Variants in ADCY2 observed in about 807,000 individuals in gnomAD.
The protein encoded by ADCY2 is adenylate cyclase 2.
Under a neutral mutation model 125.2 loss-of-function variants are expected in ADCY2, and 31 were observed. That is an observed-to-expected ratio of 0.25 (90% CI 0.19 to 0.33). The LOEUF (loss-of-function observed/expected upper bound fraction) is 0.33. ADCY2 is among the 10% of genes least tolerant of loss of function. The pLI, the probability that ADCY2 is intolerant of heterozygous loss-of-function variation, is 1.00. For missense variants in ADCY2, 904 were observed against 1,418.2 expected (o/e 0.64, Z 5.82); for synonymous variants, 512 against 548.4 (o/e 0.93, Z 0.93).
intron 11 of ADCY2, among the ~76,000 whole-genome samples, chr5:7,715,069 G>T (rs1741555641): frequency 6.6e-6 from 1 of 152,186 alleles, no homozygotes; most frequent in African/African-American, 2.4e-5. Flanking sequence ...GAGAGTCCTG[G>T]AGGCAAATGA....
intron 4 of ADCY2, among the ~76,000 whole-genome samples, chr5:7,657,131 A>T (rs192839836): frequency 2.0e-5 from 3 of 152,358 alleles, no homozygotes; most frequent in East Asian, 1.9e-4. Context: ...TCATTTGTAT[A>T]TGCAAATATT....
intron 2 of ADCY2, among the ~76,000 whole-genome samples, chr5:7,491,245 A>G (rs1466145665): frequency 1.3e-5 from 2 of 152,054 alleles, no homozygotes; most frequent in Admixed American, 1.3e-4. Context: ...AAAATGATCT[A>G]ATTAAAAATG....
chr5:7,558,464 G>T (rs2126584510), intron 3 of ADCY2, among the ~76,000 whole-genome samples: 1 of 152,198 alleles, frequency 6.6e-6, no homozygotes, highest in African/African-American at 2.4e-5. Flanking sequence ...TTATATGATT[G>T]TTGGCTGCAT....
At chr5:7,460,874 G>T (rs933585971) in intron 2 of ADCY2, among the ~76,000 whole-genome samples, 1 of 152,190 alleles carries the variant, frequency 6.6e-6, no homozygotes, top group Non-Finnish European at 1.5e-5. Flanking sequence ...GACATTATAA[G>T]TTCTTTCTTT....
chr5:7,797,833 A>T (rs1744474452), intron 20 of ADCY2: 1 of 23,624 alleles, frequency 4.2e-5, no homozygotes, highest in African/African-American at 5.1e-5. Context: ...CCTCACTTCC[A>T]GCCTGTGAAC....
intron 4 of ADCY2, among the ~76,000 whole-genome samples, chr5:7,679,817 C>T (rs901804378): frequency 2.7e-4 from 41 of 152,192 alleles, no homozygotes; most frequent in African/African-American, 9.4e-4. Context: ...AATGGATTGT[C>T]TCCCAGTACT....
intron 4 of ADCY2, 29 bp from the exon 5 acceptor site, chr5:7,690,662 A>G (rs1435824430): frequency 3.3e-6 from 5 of 1,514,744 alleles, no homozygotes; most frequent in African/African-American, 1.4e-5. Context: ...TCTGAGAGAC[A>G]TTTGTTCCTC....
chr5:7,609,136 T>G (rs1309404478), intron 3 of ADCY2, among the ~76,000 whole-genome samples: 1 of 152,224 alleles, frequency 6.6e-6, no homozygotes, highest in African/African-American at 2.4e-5. Context: ...ATAAGATAAG[T>G]TCAGGTCCAA....
chr5:7,474,116 C>A (rs996484581), intron 2 of ADCY2, among the ~76,000 whole-genome samples: 2 of 152,198 alleles, frequency 1.3e-5, no homozygotes, highest in African/African-American at 4.8e-5. Flanking sequence ...AGTTATCATG[C>A]TTTTTCTTTG....
At chr5:7,438,556 CTG>C (rs1299387773) in intron 2 of ADCY2, among the ~76,000 whole-genome samples, 1 of 152,060 alleles carries the variant, frequency 6.6e-6, no homozygotes. Flanking sequence ...AGGGGTGTGG[CTG>C]TGGTTTAGGG....
At chr5:7,397,445 GTTTTTT>G (rs767411861) in intron 1 of ADCY2, among the ~76,000 whole-genome samples, 2 of 70,098 alleles carry the variant, frequency 2.9e-5, no homozygotes, top group African/African-American at 5.1e-5. Context: ...CCACCAGTGA[GTTTTTT>G]TTTTTTTTTT....
At chr5:7,459,258 A>C (rs915337239) in intron 2 of ADCY2, among the ~76,000 whole-genome samples, 3 of 152,222 alleles carry the variant, frequency 2.0e-5, no homozygotes, top group Non-Finnish European at 4.4e-5. Context: ...TGGCCCAGGC[A>C]GACCTCAGGG....
At chr5:7,405,076 G>A (rs898827933) in intron 1 of ADCY2, among the ~76,000 whole-genome samples, 13 of 152,176 alleles carry the variant, frequency 8.5e-5, no homozygotes, top group Admixed American at 3.9e-4. Flanking sequence ...TTGAGGCACC[G>A]TGAAGACCCT....
At chr5:7,569,385 T>C (rs1736003584) in intron 3 of ADCY2, among the ~76,000 whole-genome samples, 1 of 152,082 alleles carries the variant, frequency 6.6e-6, no homozygotes, top group Admixed American at 6.6e-5. Flanking sequence ...GGCCAAATCA[T>C]GAAAAACACA....
chr5:7,698,441 G>T (rs759436910), intron 7 of ADCY2, 67 bp downstream of exon 7: 366 of 1,559,272 alleles, frequency 2.3e-4, no homozygotes, highest in Non-Finnish European at 3.1e-4. Context: ...TGCACAACGT[G>T]CAGGTTTGTT....
At chr5:7,674,726 C>T (rs1010504569) in intron 4 of ADCY2, among the ~76,000 whole-genome samples, 1 of 152,176 alleles carries the variant, frequency 6.6e-6, no homozygotes, top group African/African-American at 2.4e-5. Flanking sequence ...AAGTCAAGCA[C>T]ACCTCCATCT....
chr5:7,524,352 T>C lies in ADCY2; in HGVS notation c.570+3453T>C, dbSNP rs1469266764. Among the ~76,000 whole-genome samples the C allele has an allele frequency of 3.9e-5, 6 of 152,302 alleles. No individual in the cohort carries two copies. The East Asian group carries it at 1.2e-3, about 29-fold the overall frequency. ...TGCCCCACCACCCCAAAAGCTTTAG[T>C]GTGTATTACTACAGTACCATTCTCC... On this transcript the variant is annotated intron_variant, in intron 3 of 24. Coordinates refer to ENST00000338316, the MANE Select transcript of ADCY2 (RefSeq NM_020546.3).
chr5:7,737,873 A>G (rs1273316282), intron 14 of ADCY2, among the ~76,000 whole-genome samples: 2 of 152,252 alleles, frequency 1.3e-5, no homozygotes, highest in East Asian at 3.8e-4. Context: ...GATGGAAAGC[A>G]AAAGACACTT....
intron 3 of ADCY2, among the ~76,000 whole-genome samples, chr5:7,569,461 CA>C (rs1166200215): frequency 6.6e-6 from 1 of 152,050 alleles, no homozygotes; most frequent in Non-Finnish European, 1.5e-5. Flanking sequence ...TTGCTTTAAA[CA>C]ATGTAAGGAT....
Sources: gnomAD v4.1 joint callset for allele counts (sites outside exome capture counted in the v4.1 genomes callset) on GRCh38, gnomAD v4.1.1 for gene constraint, MANE v1.5 for transcripts, NCBI Gene and HGNC (gene_info 2026-07-23, HGNC 2026-07-21) for gene names.